The following DCUN1D4 variants were observed in gnomAD, a reference collection of about 807,000 sequenced individuals.
DCUN1D4 encodes the protein DCN1-like protein 4.
In DCUN1D4, 22 loss-of-function variants were observed where a neutral mutation model predicts 47.9. The ratio of observed to expected loss-of-function variants is 0.46; its 90% CI spans 0.33 to 0.66. DCUN1D4 has a LOEUF of 0.66. Among genes scored for constraint, DCUN1D4 ranks in the 30% least tolerant of loss-of-function variants. The pLI is 0.02. For missense variants in DCUN1D4, 301 were observed against 340.8 expected (o/e 0.88, Z 0.92); for synonymous variants, 121 against 112.2 (o/e 1.08, Z -0.50).
intron 4 of DCUN1D4, 140 bp downstream of exon 4, chr4:51,874,525 T>C: frequency 2.0e-6 from 1 of 491,672 alleles, no homozygotes; most frequent in South Asian, 4.4e-5. Flanking sequence ...AAAATGTAAT[T>C]ATTTAATCAT....
chr4:51,904,432 T>G lies in DCUN1D4; in HGVS notation c.615+5054T>G, dbSNP rs558064868. 6.9e-4 allele frequency among the ~76,000 whole-genome samples: 105 copies of G among 152,312 alleles called. No individual in the cohort carries two copies. In the South Asian group the frequency reaches 0.016, roughly 23 times the overall value. ...ACTGAAGGAGACCACTCTGGAGACC[T>G]TCACATCTCTTTGTGTAGTTCCCAC... On this transcript the variant is annotated intron_variant, in intron 8 of 10. Transcript: ENST00000334635.
intron 7 of DCUN1D4, among the ~76,000 whole-genome samples, chr4:51,893,325 A>G (rs1436667236): frequency 2.0e-5 from 3 of 152,202 alleles, no homozygotes; most frequent in African/African-American, 7.2e-5. Flanking sequence ...AAACTTGTGT[A>G]TCCTTTTGGG....
intron 1 of DCUN1D4, chr4:51,848,475 C>T: frequency 1.3e-6 from 1 of 785,876 alleles, no homozygotes; most frequent in Non-Finnish European, 1.5e-6. Context: ...ATAGTGAGAT[C>T]ACTGAAAGTC....
chr4:51,897,344 A>T (rs1731423453), intron 7 of DCUN1D4, among the ~76,000 whole-genome samples: 1 of 152,224 alleles, frequency 6.6e-6, no homozygotes, highest in African/African-American at 2.4e-5. Flanking sequence ...AGGAGCTTTC[A>T]CAGGCTTGTT....
At chr4:51,848,231 GA>G (rs1195864108) in intron 1 of DCUN1D4, 9 of 1,289,146 alleles carry the variant, frequency 7.0e-6, no homozygotes, top group Non-Finnish European at 2.0e-6. Context: ...ATGTGGCGTG[GA>G]GAAATTCTCA....
At chr4:51,837,324 A>G in the DCUN1D4 span, among the ~76,000 whole-genome samples, 1 of 152,260 alleles carries the variant, frequency 6.6e-6, no homozygotes. Flanking sequence ...CTGTACTGGA[A>G]TAAAATATTA....
intron 1 of DCUN1D4, chr4:51,845,237 A>G (rs955173666): frequency 4.1e-6 from 4 of 985,352 alleles, no homozygotes; most frequent in African/African-American, 3.5e-5. Flanking sequence ...ATGAGAACAC[A>G]GTGGAGGTAC....
chr4:51,858,293 AG>A (rs1345686686), intron 1 of DCUN1D4, among the ~76,000 whole-genome samples: 1 of 152,190 alleles, frequency 6.6e-6, no homozygotes. Context: ...TGTTATTATT[AG>A]GGGGAAGAGC....
At chr4:51,869,452 G>T (rs1726529122) in intron 3 of DCUN1D4, among the ~76,000 whole-genome samples, 1 of 152,178 alleles carries the variant, frequency 6.6e-6, no homozygotes, top group African/African-American at 2.4e-5. Flanking sequence ...AAACAAGGCT[G>T]TGATACAATC....
At chr4:51,885,122 A>T (rs1344404027) in intron 5 of DCUN1D4, among the ~76,000 whole-genome samples, 1 of 151,970 alleles carries the variant, frequency 6.6e-6, no homozygotes, top group Non-Finnish European at 1.5e-5. Flanking sequence ...AACACTTTGG[A>T]TTTTATATTT....
intron 1 of DCUN1D4, among the ~76,000 whole-genome samples, chr4:51,862,777 G>A (rs549204353): frequency 6.6e-6 from 1 of 152,156 alleles, no homozygotes; most frequent in African/African-American, 2.4e-5. Context: ...GGGAGGCTGA[G>A]GCAGGAGGAT....
chr4:51,836,584 C>T, the DCUN1D4 span, among the ~76,000 whole-genome samples: 2 of 152,226 alleles, frequency 1.3e-5, no homozygotes, highest in South Asian at 2.1e-4. Context: ...TTGGGCAGAA[C>T]GGGGTGGCTG....
upstream of DCUN1D4, chr4:51,842,938 C>T (rs1721828002): frequency 2.6e-6 from 2 of 782,554 alleles, no homozygotes; most frequent in Non-Finnish European, 3.5e-6. Context: ...CCCGCTGCTC[C>T]GGAGCATGGC....
chr4:51,905,314 C>G lies in DCUN1D4; in HGVS notation c.616-5756C>G, dbSNP rs373560403. ...CAGCAGGGCCCGCATCTGCCCTTGA[C>G]GTCCAGGCCAGTGTCCTTCACAGAG... On this transcript the variant is annotated intron_variant, in intron 8 of 10. Transcript: ENST00000334635. The G allele has an allele frequency of 7.1e-6, 3 of 425,282 alleles. No individual in the cohort carries two copies. The Admixed American group carries it at 7.2e-5, about 10-fold the overall frequency. 26.3% of individuals were successfully genotyped at this position (425,282 alleles called of 1,614,324 possible).
chr4:51,890,014 G>A (rs565978327), intron 6 of DCUN1D4, among the ~76,000 whole-genome samples: 35 of 152,184 alleles, frequency 2.3e-4, no homozygotes, highest in South Asian at 1.5e-3. Context: ...TAAAAATTTC[G>A]TAGGTTCTCA....
intron 3 of DCUN1D4, among the ~76,000 whole-genome samples, chr4:51,873,946 T>G (rs1727281545): frequency 6.6e-6 from 1 of 152,222 alleles, no homozygotes; most frequent in Non-Finnish European, 1.5e-5. Flanking sequence ...CAGTGCATTT[T>G]GAGAGAACAT....
intron 3 of DCUN1D4, among the ~76,000 whole-genome samples, chr4:51,869,177 T>TA (rs113784146): frequency 0.47 from 51,878 of 109,338 alleles, 11,275 homozygotes; most frequent in African/African-American, 0.69. Flanking sequence ...ATAAAAAAAA[T>TA]AAAAAAAAAT....
At chr4:51,879,777 A>G (rs1728290021) in intron 5 of DCUN1D4, among the ~76,000 whole-genome samples, 1 of 152,248 alleles carries the variant, frequency 6.6e-6, no homozygotes, top group African/African-American at 2.4e-5. Flanking sequence ...TTTTAAAGAA[A>G]AAGTACACTT....
the DCUN1D4 span, among the ~76,000 whole-genome samples, chr4:51,836,107 A>C: frequency 6.6e-6 from 1 of 152,182 alleles, no homozygotes; most frequent in Admixed American, 6.5e-5. Context: ...TCTCACTAAC[A>C]AAATTACTGA....
Sources: gnomAD v4.1 joint callset for allele counts (sites outside exome capture counted in the v4.1 genomes callset) on GRCh38, gnomAD v4.1.1 for gene constraint, MANE v1.5 for transcripts, NCBI Gene and HGNC (gene_info 2026-07-23, HGNC 2026-07-21) for gene names.